The following POLQ variants were observed in gnomAD, a reference collection of about 807,000 sequenced individuals.
POLQ encodes epididymis secretory sperm binding protein.
POLQ carries 233 observed loss-of-function variants against 259.2 expected under a neutral mutation model. That is an observed-to-expected ratio of 0.90 (90% confidence interval 0.81 to 1.00). The LOEUF is 1.00. Ranked by LOEUF, POLQ falls within the 50% of genes least tolerant of loss-of-function variation. The pLI, the probability that POLQ is intolerant of heterozygous loss-of-function variation, is 0.00. For synonymous variants in POLQ, 1,025 were observed against 1,048.8 expected (o/e 0.98, Z 0.44); for missense variants, 2,871 against 3,051.6 (o/e 0.94, Z 1.39).
Position 121,432,151 on chromosome 3 carries a change from T to C in POLQ, c.*153A>G, listed in dbSNP as rs1031060213. 3 of 661,990 alleles carry C rather than the reference T, an allele frequency of 4.5e-6. No individual in the cohort carries two copies. The highest frequency in any genetic ancestry group is 3.1e-5 in the East Asian group (1 of 32,118). The allele number at this position is 661,990 out of a possible 1,614,324, so 41.0% of individuals were successfully genotyped here. On this transcript the variant is annotated 3_prime_UTR_variant, in exon 30 of 30. Transcript: ENST00000264233. Reference sequence around the variant, plus strand: ...GTTTTTGATGCTATAGACACTGATATATAGTTTGAAACTCTCACTATAAAA... The same window carrying C: ...GTTTTTGATGCTATAGACACTGATACATAGTTTGAAACTCTCACTATAAAA...
chr3:121,487,383 A>G lies in POLQ; in HGVS notation c.5548T>C (p.Phe1850Leu). The change falls in exon 16 of 30, where the codon TTT (phenylalanine) becomes CTT (leucine). Residue 1850 changes from phenylalanine (F) to leucine (L), a missense_variant. By Grantham distance (22) the Phe-to-Leu change is conservative. Transcript: ENST00000264233. ...TTTTCACAAGCCAGTGAGATGGAAAATCGCTTTTTGCACCGCCACTCCTTA... is the reference window on the plus strand; with the variant it reads ...TTTTCACAAGCCAGTGAGATGGAAAGTCGCTTTTTGCACCGCCACTCCTTA... ...FIKEWRCKKR[F>L]SISLACEKIR... The G allele has an allele frequency of 6.2e-7, 1 of 1,614,042 alleles. No individual in the cohort carries two copies. Among genetic ancestry groups the G allele is most frequent in the Non-Finnish European group, 8.5e-7 (1 of 1,179,936 alleles).
Position 121,505,654 on chromosome 3 carries a change from T to C in POLQ, c.1959+3907A>G, listed in dbSNP as rs76474609. Reference sequence around the variant, plus strand: ...ATGCTGAGATTACAGATAGCCATTATGAAAAAAACATGAAACTGAAGAACC... The same window carrying C: ...ATGCTGAGATTACAGATAGCCATTACGAAAAAAACATGAAACTGAAGAACC... On this transcript the variant is annotated intron_variant, in intron 12 of 29. Transcript: ENST00000264233. Among the ~76,000 whole-genome samples, 543 of 152,130 alleles carry C rather than the reference T, an allele frequency of 3.6e-3. 1 individual carries two copies. Among genetic ancestry groups the C allele is most frequent in the Non-Finnish European group, 6.1e-3 (414 of 67,986 alleles).
chr3:121,542,075 G>A (rs2108822634), intron 2 of POLQ, among the ~76,000 whole-genome samples: 1 of 151,882 alleles, frequency 6.6e-6, no homozygotes, highest in East Asian at 1.9e-4. Context: ...GGCAGAGGTT[G>A]CAGTGAGCCG....
intron 5 of POLQ, among the ~76,000 whole-genome samples, chr3:121,533,465 C>A (rs1372134008): frequency 6.6e-6 from 1 of 152,192 alleles, no homozygotes; most frequent in South Asian, 2.1e-4. Flanking sequence ...AATCTTGTCA[C>A]CACTTGGTAT....
chr3:121,541,486 C>T lies in POLQ; in HGVS notation c.344-7G>A, dbSNP rs1371796532. 2 of 1,581,848 alleles carry T rather than the reference C, an allele frequency of 1.3e-6. No individual in the cohort carries two copies. Among genetic ancestry groups the T allele is most frequent in the Middle Eastern group, 1.7e-4 (1 of 5,926 alleles). On this transcript the variant is annotated splice_polypyrimidine_tract_variant and splice_region_variant and intron_variant, in intron 2 of 29. Coordinates refer to ENST00000264233, the MANE Select transcript of POLQ (RefSeq NM_199420.4). ...TTCCCAGCACTTGTAGGAGCTAAAA[C>T]ATGATTATTCCACAAGATTATAAGA...
chr3:121,478,781 T>C (rs1232383170), intron 19 of POLQ, among the ~76,000 whole-genome samples: 5 of 152,114 alleles, frequency 3.3e-5, no homozygotes, highest in African/African-American at 1.2e-4. Context: ...GTAATACAGA[T>C]GGTCATAATA....
In POLQ at chr3:121,518,588, G is replaced by A. The variant is rs1179631626; in HGVS notation, c.1468+1283C>T. 2.6e-4 allele frequency among the ~76,000 whole-genome samples: 40 copies of A among 152,140 alleles called. 1 individual carries two copies. Among genetic ancestry groups the A allele is most frequent in the Admixed American group, 2.6e-3 (40 of 15,268 alleles). On this transcript the variant is annotated intron_variant, in intron 9 of 29. Transcript: ENST00000264233. ...CAAATATGGAATCCATGAATAATGA[G>A]AACTGACATATTTGGGGACTTCATG...
chr3:121,544,932 AT>A (rs772258173), intron 1 of POLQ, 26 bp from the exon 2 acceptor site: 2 of 1,439,406 alleles, frequency 1.4e-6, no homozygotes, highest in East Asian at 4.7e-5. Context: ...AAAAATTAAA[AT>A]TTAATTTACT....
chr3:121,445,543 T>C (rs573995626), intron 26 of POLQ, among the ~76,000 whole-genome samples: 56 of 152,198 alleles, frequency 3.7e-4, no homozygotes, highest in Non-Finnish European at 7.2e-4. Context: ...GCTAAAGGTA[T>C]GTCAATTTTA....
At chr3:121,494,196 T>C in intron 14 of POLQ, 1 of 1,294,996 alleles carries the variant, frequency 7.7e-7, no homozygotes, top group Non-Finnish European at 1.1e-6. Flanking sequence ...AAGTGGTGAA[T>C]CCCGTTTGTG....
chr3:121,509,774 T>C, intron 11 of POLQ, 71 bp from the exon 12 acceptor site: 24 of 1,457,390 alleles, frequency 1.6e-5, no homozygotes, highest in Non-Finnish European at 2.3e-5. Flanking sequence ...ATACTATCTT[T>C]CTGTTTTCCA....
intron 7 of POLQ, 39 bp downstream of exon 7, chr3:121,529,606 T>TA: frequency 6.3e-7 from 1 of 1,588,850 alleles, no homozygotes; most frequent in South Asian, 1.1e-5. Context: ...CAAGCAAATG[T>TA]ACTAAGCATG....
intron 8 of POLQ, 49 bp from the exon 9 acceptor site, chr3:121,520,132 T>C (rs775723834): frequency 2.2e-5 from 23 of 1,036,226 alleles, no homozygotes; most frequent in Non-Finnish European, 1.2e-5. Flanking sequence ...ACGAAAATAT[T>C]ATACGTGTTC....
chr3:121,538,798 C>G (rs556880283), intron 4 of POLQ, among the ~76,000 whole-genome samples: 1 of 152,072 alleles, frequency 6.6e-6, no homozygotes, highest in Non-Finnish European at 1.5e-5. Context: ...CACCCTCCAC[C>G]CCTACCCTAC....
chr3:121,488,276 T>G lies in POLQ; in HGVS notation c.4655A>C (p.Asn1552Thr). ...QDTHQQLTCS[N>T]DESIIFSEMD... The stretch of plus-strand genomic sequence containing the variant: ...TTCTGAAAATATAATAGATTCATCA[T>G]TGGAACAAGTCAACTGCTGGTGGGT... Residue 1552 changes from asparagine to threonine, a missense_variant, in exon 16 of 30, where the codon AAT (asparagine) becomes ACT (threonine). Asn to Thr is a moderately conservative substitution (Grantham distance 65). This residue lies in a region of POLQ where 2,080 missense variants were observed against 2,126.0 expected (regional missense o/e 0.98). Coordinates refer to ENST00000264233, the MANE Select transcript of POLQ (RefSeq NM_199420.4). 6.2e-7 allele frequency: 1 copy of G among 1,612,826 alleles called. No homozygotes were observed. Among genetic ancestry groups the G allele is most frequent in the Non-Finnish European group, 8.5e-7 (1 of 1,179,412 alleles).
At chr3:121,500,354 G>C (rs1251311877) in intron 12 of POLQ, among the ~76,000 whole-genome samples, 3 of 150,590 alleles carry the variant, frequency 2.0e-5, no homozygotes, top group African/African-American at 7.3e-5. Flanking sequence ...TTGAATTCTT[G>C]AACTCAAATA....
At chr3:121,435,894 A>G (rs1309470377) in intron 28 of POLQ, among the ~76,000 whole-genome samples, 1 of 152,256 alleles carries the variant, frequency 6.6e-6, no homozygotes, top group African/African-American at 2.4e-5. Context: ...TTTAAATGTT[A>G]ATGTTTTAAA....
At chr3:121,500,045 C>A (rs1464988648) in intron 12 of POLQ, among the ~76,000 whole-genome samples, 3 of 152,078 alleles carry the variant, frequency 2.0e-5, no homozygotes, top group African/African-American at 7.2e-5. Context: ...CTTTGGGAGG[C>A]TGAGAGGGGA....
intron 9 of POLQ, among the ~76,000 whole-genome samples, chr3:121,518,921 C>G (rs773491641): frequency 1.3e-5 from 2 of 152,002 alleles, no homozygotes; most frequent in African/African-American, 4.8e-5. Flanking sequence ...TGATACAGCA[C>G]GTTAGAAATA....
Sources: allele counts gnomAD v4.1 joint callset (sites outside exome capture counted in the v4.1 genomes callset), GRCh38; gene constraint gnomAD v4.1.1; regional missense constraint gnomAD v4.1.1; transcripts MANE v1.5; gene names NCBI Gene and HGNC (gene_info 2026-07-23, HGNC 2026-07-21).